The following FCSK variants were observed in gnomAD, a reference collection of about 807,000 sequenced individuals.
The protein encoded by FCSK is L-fucose kinase.
FCSK carries 123 observed loss-of-function variants against 122.5 expected under a neutral mutation model. The ratio of observed to expected loss-of-function variants is 1.00; its 90% CI spans 0.87 to 1.17. The LOEUF (loss-of-function observed/expected upper bound fraction) is 1.17, where lower values mean the gene tolerates loss of function less well. Ranked by LOEUF, FCSK falls within the 50% of genes most tolerant of loss-of-function variation. The pLI, the probability that FCSK is intolerant of heterozygous loss-of-function variation, is 0.00. For synonymous variants in FCSK, 620 were observed against 625.5 expected (o/e 0.99, Z 0.13); for missense variants, 1,366 against 1,450.4 (o/e 0.94, Z 0.95).
Position 70,469,287 on chromosome 16 carries a change from CTGTGGAGGGAG to C in FCSK, c.920_930del (p.Leu307ProfsTer25), listed in dbSNP as rs1567702113. 1.9e-6 allele frequency: 3 copies of C among 1,610,996 alleles called. No homozygotes were observed. The Admixed American group carries it at 5.0e-5, about 27-fold the overall frequency. On this transcript the variant is annotated frameshift_variant, in exon 10 of 24. Transcript: ENST00000288078. LOFTEE classifies it high-confidence loss of function. ...TTATCTGCAGAGCGCCCGGGCCCAG[CTGTGGAGGGAG>C]CTTCGCGATCAGCCCCTTACCATGG...
intron 19 of FCSK, 29 bp downstream of exon 19, chr16:70,475,522 C>T (rs1170354307): frequency 1.3e-6 from 2 of 1,599,896 alleles, no homozygotes; most frequent in Non-Finnish European, 8.5e-7. Context: ...CTGCTACCCA[C>T]CGACTGTTAC....
chr16:70,458,605 T>G (rs190849950), intron 1 of FCSK, among the ~76,000 whole-genome samples: 1 of 152,220 alleles, frequency 6.6e-6, no homozygotes, highest in East Asian at 1.9e-4. Context: ...CCTGCCACCA[T>G]GCCTGGCTAA....
At chr16:70,472,371 G>A in intron 13 of FCSK, 170 bp from the exon 14 acceptor site, 1 of 523,050 alleles carries the variant, frequency 1.9e-6, no homozygotes, top group Admixed American at 3.7e-5. Context: ...GTTCATACCT[G>A]CAGTGAGCTG....
Position 70,471,187 on chromosome 16 carries a change from C to A in FCSK, c.1176C>A (p.Pro392=), listed in dbSNP as rs1182014594. ...CCTGCCCTGTCCCCCACCAGGGCCCCATTCACATAGGCGCTGGCTGCTTGG... is the reference window on the plus strand; with the variant it reads ...CCTGCCCTGTCCCCCACCAGGGCCCAATTCACATAGGCGCTGGCTGCTTGG... ...SVLQHCHLQG[P]IHIGAGCLVT... Residue 392 remains proline (P), a synonymous_variant, in exon 13 of 24, where the codon CCC becomes CCA. Transcript: ENST00000288078. 1.9e-6 allele frequency: 3 copies of A among 1,602,664 alleles called. No individual in the cohort carries two copies. The East Asian group carries it at 6.7e-5, about 36-fold the overall frequency.
chr16:70,458,716 G>A (rs1446346271), intron 1 of FCSK, among the ~76,000 whole-genome samples: 2 of 152,074 alleles, frequency 1.3e-5, no homozygotes, highest in African/African-American at 2.4e-5. Flanking sequence ...CCAAAGTGCT[G>A]GGATTACAGG....
At position 70,474,648 on chromosome 16, in the gene FCSK, T is replaced by C; in HGVS notation, c.2109T>C (p.Pro703=). The C allele has an allele frequency of 6.3e-7, 1 of 1,599,176 alleles. No homozygotes were observed. Among genetic ancestry groups the C allele is most frequent in the Non-Finnish European group, 8.5e-7 (1 of 1,173,352 alleles). ...CAGAGCAGGTGGAACTGCCGGGACC[T>C]GGGCAGTGGGTGGTGGCTGAGTGCC... ...VSTEQVELPG[P]GQWVVAECPA... The change falls in exon 17 of 24, where the codon CCT becomes CCC. Residue 703 remains proline (P), a synonymous_variant. Coordinates refer to ENST00000288078, the MANE Select transcript of FCSK (RefSeq NM_145059.3).
At position 70,474,542 on chromosome 16, in the gene FCSK, T is replaced by G. The variant is rs1597633184; in HGVS notation, c.2003T>G (p.Val668Gly). 6.5e-7 allele frequency: 1 copy of G among 1,547,706 alleles called. No homozygotes were observed. Reference protein sequence around the residue: ...DKWLSRPALLVRAARHYEGAG... With the variant: ...DKWLSRPALLGRAARHYEGAG... ...TCTCTTGGCAGGCCAGCCTTGCTGG[T>G]GCGAGCGGCCCGCCACTATGAGGGG... Residue 668 changes from valine (V) to glycine (G), a missense_variant, in exon 17 of 24, where the codon GTG becomes GGG. Transcript: ENST00000288078.
chr16:70,474,191 C>G lies in FCSK; in HGVS notation c.1840C>G (p.Leu614Val), dbSNP rs1002569403. ...ARALACVADVLGCMAEGRGGL... is the reference protein window; with the variant it reads ...ARALACVADVVGCMAEGRGGL... ...GGCACTGGCCTGTGTGGCGGACGTC[C>G]TGGGCTGCATGGCAGAGGGCCGTGG... Residue 614 changes from leucine (L) to valine (V), a missense_variant, in exon 16 of 24, where the codon CTG becomes GTG. Leu to Val is a conservative substitution (Grantham distance 32). Transcript: ENST00000288078. 1.1e-5 allele frequency: 18 copies of G among 1,572,410 alleles called. No individual in the cohort carries two copies. Among genetic ancestry groups the G allele is most frequent in the Non-Finnish European group, 1.5e-5 (17 of 1,160,002 alleles).
chr16:70,479,779 C>A lies in FCSK; in HGVS notation c.*99C>A. 1.2e-6 allele frequency: 1 copy of A among 840,394 alleles called. No homozygotes were observed. The allele number at this position is 840,394 out of a possible 1,614,324, so 52.1% of individuals were successfully genotyped here. A position where few individuals can be genotyped will look rare whatever the true frequency, so the allele number is the denominator to read the frequency against. ...TCCACCTCCTACTCCCCACCCACCT[C>A]TGCGAATCTGCTCCCAAAGGAAGCT... On this transcript the variant is annotated 3_prime_UTR_variant, in exon 24 of 24. Coordinates refer to ENST00000288078, the MANE Select transcript of FCSK (RefSeq NM_145059.3).
intron 13 of FCSK, among the ~76,000 whole-genome samples, chr16:70,472,117 G>T (rs1036599590): frequency 1.4e-4 from 22 of 152,176 alleles, no homozygotes; most frequent in African/African-American, 5.3e-4. Context: ...CTGGGTGGGG[G>T]TTTTTATCCT....
Position 70,475,972 on chromosome 16 carries a change from A to G in FCSK, c.2641+205A>G, listed in dbSNP as rs1597638239. ...TCTACCTCCCAACGAGCCGTTTCAC[A>G]AGCATCTACTGAGTGCCAGATTCTG... On this transcript the variant is annotated intron_variant, in intron 20 of 23. Transcript: ENST00000288078. 20 of 509,532 alleles carry G rather than the reference A, an allele frequency of 3.9e-5. No homozygotes were observed. The East Asian group carries it at 6.7e-4, about 17-fold the overall frequency. 31.6% of individuals were successfully genotyped at this position (509,532 alleles called of 1,614,324 possible).
At chr16:70,467,192 GAA>G in intron 6 of FCSK, 180 bp from the exon 7 acceptor site, 1 of 623,890 alleles carries the variant, frequency 1.6e-6, no homozygotes, top group South Asian at 1.9e-5. Flanking sequence ...GGGCTCTGCG[GAA>G]GAACTTTGGG....
chr16:70,479,692 C>T lies in FCSK; in HGVS notation c.*12C>T. On this transcript the variant is annotated 3_prime_UTR_variant, in exon 24 of 24. Coordinates refer to ENST00000288078, the MANE Select transcript of FCSK (RefSeq NM_145059.3). ...GCCCTTTCCCATGAAGCTGGCTTCT[C>T]TCTGCAACAGGAGAAAACCTGGAGC... The T allele has an allele frequency of 6.2e-7, 1 of 1,609,414 alleles. No individual in the cohort carries two copies. The highest frequency in any genetic ancestry group is 8.5e-7 in the Non-Finnish European group (1 of 1,176,376).
chr16:70,472,506 C>T (rs775191444), intron 13 of FCSK, 35 bp from the exon 14 acceptor site: 8 of 1,572,314 alleles, frequency 5.1e-6, no homozygotes, highest in Non-Finnish European at 7.0e-6. Context: ...TTCCTGTGGC[C>T]CCTGCAGCCC....
chr16:70,479,476 A>G, intron 23 of FCSK, 73 bp downstream of exon 23: 1 of 1,502,548 alleles, frequency 6.7e-7, no homozygotes, highest in South Asian at 1.2e-5. Context: ...CCAGTTAACC[A>G]GGGGCTATAT....
At chr16:70,466,445 C>A in intron 5 of FCSK, 188 bp downstream of exon 5, 1 of 692,198 alleles carries the variant, frequency 1.4e-6, no homozygotes, top group African/African-American at 1.8e-5. Context: ...ATAATTTCAG[C>A]ACTTTGAGAA....
Position 70,469,312 on chromosome 16 carries a change from C to G in FCSK, c.944C>G (p.Pro315Arg). The G allele has an allele frequency of 6.3e-7, 1 of 1,598,896 alleles. No individual in the cohort carries two copies. The highest frequency in any genetic ancestry group is 1.7e-4 in the Middle Eastern group (1 of 6,002). The change falls in exon 10 of 24, where the codon CCC becomes CGC. Residue 315 changes from proline to arginine, a missense_variant. Transcript: ENST00000288078. ...CTGTGGAGGGAGCTTCGCGATCAGC[C>G]CCTTACCATGGGTGGGTACTGCCTC... ...AQLWRELRDQ[P>R]LTMAYVSSGS...
chr16:70,458,049 C>G (rs983981150), intron 1 of FCSK: 5 of 148,758 alleles, frequency 3.4e-5, no homozygotes, highest in African/African-American at 1.3e-4. Context: ...TAATACTTAT[C>G]TTGCAGGGTC....
At chr16:70,468,491 C>G (rs939834996) in intron 8 of FCSK, among the ~76,000 whole-genome samples, 2 of 152,118 alleles carry the variant, frequency 1.3e-5, no homozygotes, top group Non-Finnish European at 2.9e-5. Context: ...AGCCTAGAAC[C>G]AGAATGTGAG....
Sources: allele counts gnomAD v4.1 joint callset (sites outside exome capture counted in the v4.1 genomes callset), GRCh38; gene constraint gnomAD v4.1.1; transcripts MANE v1.5; gene names NCBI Gene and HGNC (gene_info 2026-07-23, HGNC 2026-07-21).